Variants in ASH1L observed in about 807,000 individuals in gnomAD.
ASH1L encodes histone-lysine N-methyltransferase ASH1L.
ASH1L carries 23 observed loss-of-function variants against 269.0 expected under a neutral mutation model. The observed-to-expected ratio is 0.09, with a 90% confidence interval of 0.06 to 0.12. The LOEUF (loss-of-function observed/expected upper bound fraction) is 0.12, where lower values mean the gene tolerates loss of function less well. ASH1L is among the 10% of genes least tolerant of loss of function. ASH1L has a pLI of 1.00. For missense variants in ASH1L, 2,912 were observed against 3,567.8 expected, an observed-to-expected ratio of 0.82 and a Z score of 4.68; for synonymous variants, 1,187 against 1,253.5, an observed-to-expected ratio of 0.95 and a Z score of 1.12.
At chr1:155,384,318 TAGA>T (rs910904485) in intron 7 of ASH1L, among the ~76,000 whole-genome samples, 3 of 152,170 alleles carry the variant, frequency 2.0e-5, no homozygotes, top group Non-Finnish European at 4.4e-5. Flanking sequence ...TTTCATTGGT[TAGA>T]AGATTCGGAG....
At chr1:155,406,203 CAAAAAAAAAA>C (rs964056210) in intron 6 of ASH1L, among the ~76,000 whole-genome samples, 1 of 52,104 alleles carries the variant, frequency 1.9e-5, no homozygotes. Context: ...GACTCTGTCT[CAAAAAAAAAA>C]AAAAAAAAAA....
chr1:155,525,539 C>CAA (rs747113017), intron 1 of ASH1L, among the ~76,000 whole-genome samples: 9 of 87,652 alleles, frequency 1.0e-4, no homozygotes, highest in South Asian at 7.1e-4. Context: ...TTCTAAAAGC[C>CAA]AAAAAAAAAA....
At chr1:155,368,276 T>C (rs1655618372) in intron 12 of ASH1L, among the ~76,000 whole-genome samples, 1 of 151,320 alleles carries the variant, frequency 6.6e-6, no homozygotes, top group South Asian at 2.1e-4. Flanking sequence ...GGATTGCAGG[T>C]GTGAGCCACT....
chr1:155,404,585 G>T (rs545131840), intron 6 of ASH1L, among the ~76,000 whole-genome samples: 5 of 151,996 alleles, frequency 3.3e-5, no homozygotes, highest in African/African-American at 1.2e-4. Flanking sequence ...CACACATGAC[G>T]GAATCCACTA....
chr1:155,552,560 G>A (rs925394398), intron 1 of ASH1L, among the ~76,000 whole-genome samples: 2 of 150,566 alleles, frequency 1.3e-5, no homozygotes, highest in East Asian at 2.0e-4. Context: ...ACAGGAGAAC[G>A]GCGTGAACCC....
intron 25 of ASH1L, among the ~76,000 whole-genome samples, chr1:155,340,176 G>A (rs1263625908): frequency 1.3e-5 from 2 of 151,924 alleles, no homozygotes; most frequent in Non-Finnish European, 2.9e-5. Flanking sequence ...TTGTTTTCTG[G>A]TTAGCTTATT....
chr1:155,387,607 C>T (rs1657544426), intron 7 of ASH1L, among the ~76,000 whole-genome samples: 1 of 152,060 alleles, frequency 6.6e-6, no homozygotes, highest in Non-Finnish European at 1.5e-5. Context: ...GTAGGATTGC[C>T]TTGGCTATTT....
chr1:155,498,645 T>C (rs1165066245), intron 2 of ASH1L, among the ~76,000 whole-genome samples: 1 of 152,086 alleles, frequency 6.6e-6, no homozygotes, highest in African/African-American at 2.4e-5. Flanking sequence ...TTCTCCATGT[T>C]GGTCAGGCTG....
intron 16 of ASH1L, 129 bp from the exon 17 acceptor site, chr1:155,352,987 GTTCT>G: frequency 1.3e-6 from 1 of 779,068 alleles, no homozygotes; most frequent in South Asian, 2.3e-5. Flanking sequence ...TGGGCACAGA[GTTCT>G]TTCTATCTTC....
intron 4 of ASH1L, among the ~76,000 whole-genome samples, chr1:155,457,077 C>G (rs1663914415): frequency 6.6e-6 from 1 of 152,136 alleles, no homozygotes; most frequent in African/African-American, 2.4e-5. Context: ...AGCCGGGGTC[C>G]TAGAGGGAAG....
chr1:155,498,976 G>T (rs984937252), intron 2 of ASH1L, among the ~76,000 whole-genome samples: 4 of 146,224 alleles, frequency 2.7e-5, no homozygotes, highest in African/African-American at 1.0e-4. Context: ...TATAGGTCAA[G>T]AATGCATTTT....
intron 13 of ASH1L, among the ~76,000 whole-genome samples, 160 bp from the exon 14 acceptor site, chr1:155,357,909 T>G (rs1027363762): frequency 1.3e-5 from 2 of 152,054 alleles, no homozygotes; most frequent in African/African-American, 2.4e-5. Flanking sequence ...TAGCTGACAT[T>G]ACAGGTGCGT....
chr1:155,470,601 G>C (rs1027418675), intron 3 of ASH1L, among the ~76,000 whole-genome samples: 8 of 150,128 alleles, frequency 5.3e-5, no homozygotes, highest in African/African-American at 2.0e-4. Flanking sequence ...GCCCAGGCCG[G>C]AGTGCAATGG....
chr1:155,481,624 G>A lies in ASH1L; in HGVS notation c.1246C>T (p.Leu416=). 4.3e-6 allele frequency: 7 copies of A among 1,614,120 alleles called. No individual in the cohort carries two copies. Among genetic ancestry groups the A allele is most frequent in the Non-Finnish European group, 5.9e-6 (7 of 1,180,010 alleles). ...KKLMSCPLAG[L]ISKDAINLKA... is the part of the protein sequence containing the mutation. The stretch of plus-strand genomic sequence containing the variant: ...AGGTTTATGGCATCTTTACTGATCA[G>A]ACCTGCCAAAGGACAACTCATTAGT... The change falls in exon 3 of 28, where the codon CTG becomes TTG. Residue 416 remains leucine, a synonymous_variant. Transcript: ENST00000392403.
intron 2 of ASH1L, among the ~76,000 whole-genome samples, chr1:155,502,376 G>A (rs1310151741): frequency 1.3e-5 from 2 of 152,000 alleles, no homozygotes; most frequent in Non-Finnish European, 1.5e-5. Flanking sequence ...GGCAGATAGT[G>A]TATTCAAAAG....
At chr1:155,373,610 G>T (rs1200375667) in intron 10 of ASH1L, among the ~76,000 whole-genome samples, 7 of 152,052 alleles carry the variant, frequency 4.6e-5, no homozygotes, top group Non-Finnish European at 1.0e-4. Flanking sequence ...TGTTTTAATG[G>T]GAGCTGTTTA....
At chr1:155,423,380 A>G (rs908861936) in intron 5 of ASH1L, among the ~76,000 whole-genome samples, 41 of 151,870 alleles carry the variant, frequency 2.7e-4, no homozygotes, top group Admixed American at 1.8e-3. Flanking sequence ...GGAGATTGTG[A>G]CCATCCTGGC....
Position 155,411,586 on chromosome 1 carries a change from A to ATAT in ASH1L, c.6008+4157_6008+4158insATA, listed in dbSNP as rs1558075618. The stretch of plus-strand genomic sequence containing the variant: ...AAATATGAATATAAATAAATAAATA[A>ATAT]ATATATATATATATATATATATATA... On this transcript the variant is annotated intron_variant, in intron 6 of 27. Coordinates refer to ENST00000392403, the MANE Select transcript of ASH1L (RefSeq NM_018489.3). Among the ~76,000 whole-genome samples the ATAT allele has an allele frequency of 3.3e-3, 184 of 55,124 alleles. 3 individuals carry two copies. The highest frequency in any genetic ancestry group is 0.011 in the Middle Eastern group (1 of 90). The allele number at this position is 55,124 out of a possible 152,430, so 36.2% of individuals were successfully genotyped here.
At chr1:155,533,156 A>T (rs1204403477) in intron 1 of ASH1L, among the ~76,000 whole-genome samples, 2 of 152,054 alleles carry the variant, frequency 1.3e-5, no homozygotes, top group Non-Finnish European at 2.9e-5. Context: ...AAAATCAACC[A>T]AATTTTTTAA....
Sources: gnomAD v4.1 joint callset for allele counts (sites outside exome capture counted in the v4.1 genomes callset) on GRCh38, gnomAD v4.1.1 for gene constraint, MANE v1.5 for transcripts, NCBI Gene and HGNC (gene_info 2026-07-23, HGNC 2026-07-21) for gene names.